Variants in PCNT observed in about 807,000 individuals in gnomAD.
PCNT encodes the protein kendrin.
Under a neutral mutation model 380.4 loss-of-function variants are expected in PCNT, and 319 were observed. The ratio of observed to expected loss-of-function variants is 0.84; its 90% CI spans 0.77 to 0.92. The LOEUF (loss-of-function observed/expected upper bound fraction) is 0.92, where lower values mean the gene tolerates loss of function less well. PCNT is among the 40% of genes least tolerant of loss of function. The probability of loss-of-function intolerance (pLI) is 0.00; values close to 1 mark genes in which losing one functional copy is unlikely to be tolerated. For missense variants in PCNT, 4,400 were observed against 4,255.3 expected (o/e 1.03, Z -0.95); for synonymous variants, 1,845 against 1,735.2 (o/e 1.06, Z -1.57).
At chr21:46,437,533 C>T (rs972698598) in intron 40 of PCNT, among the ~76,000 whole-genome samples, 11 of 152,226 alleles carry the variant, frequency 7.2e-5, no homozygotes, top group South Asian at 2.1e-4. Flanking sequence ...TTTGCGTTGA[C>T]GGCCTTTGCT....
Position 46,389,390 on chromosome 21 carries a change from G to A in PCNT, c.3799G>A (p.Val1267Met), listed in dbSNP as rs375323485. 4.3e-6 allele frequency: 7 copies of A among 1,614,064 alleles called. No individual in the cohort carries two copies. The highest frequency in any genetic ancestry group is 1.7e-5 in the Admixed American group (1 of 60,008). Residue 1267 changes from valine to methionine, a missense_variant, in exon 19 of 47, where the codon GTG becomes ATG. Coordinates refer to ENST00000359568, the MANE Select transcript of PCNT (RefSeq NM_006031.6). ...RRVFQSLSLA[V>M]DGLMEMALDS... is the part of the protein sequence containing the mutation. ...GGTCTTCCAGAGCCTCAGCCTGGCC[G>A]TGGACGGCCTCATGGAGATGGCCCT...
At chr21:46,427,874 T>C (rs1414298832) in intron 34 of PCNT, 79 bp downstream of exon 34, 3 of 1,496,654 alleles carry the variant, frequency 2.0e-6, no homozygotes, top group Non-Finnish European at 2.8e-6. Context: ...CAGACTGTTT[T>C]GTGTGTGAAT....
chr21:46,357,269 G>A (rs2084513347), intron 13 of PCNT, 78 bp downstream of exon 13: 3 of 998,210 alleles, frequency 3.0e-6, no homozygotes, highest in East Asian at 2.4e-5. Context: ...GTGTCCTTGT[G>A]TATGGAGGGG....
At chr21:46,372,736 C>T (rs1387059729) in intron 15 of PCNT, among the ~76,000 whole-genome samples, 1 of 152,170 alleles carries the variant, frequency 6.6e-6, no homozygotes, top group African/African-American at 2.4e-5. Flanking sequence ...GCGCCGGATT[C>T]TGAGGTTAGA....
chr21:46,410,222 C>T (rs558172642), intron 27 of PCNT, among the ~76,000 whole-genome samples: 12 of 150,938 alleles, frequency 8.0e-5, no homozygotes, highest in African/African-American at 1.5e-4. Context: ...TGTTGTTCAT[C>T]GGTGGTAAAT....
chr21:46,344,822 A>T (rs1005205147), intron 3 of PCNT, among the ~76,000 whole-genome samples: 7 of 152,168 alleles, frequency 4.6e-5, no homozygotes, highest in African/African-American at 1.7e-4. Flanking sequence ...TGCTGCTGAA[A>T]AGGTTTCCAG....
intron 3 of PCNT, among the ~76,000 whole-genome samples, chr21:46,344,628 C>T (rs1353815151): frequency 6.6e-6 from 1 of 152,228 alleles, no homozygotes; most frequent in Non-Finnish European, 1.5e-5. Context: ...AAGTGGGTCA[C>T]CTGGAGCCCA....
chr21:46,326,377 C>T lies in PCNT; in HGVS notation c.55C>T (p.Leu19Phe), dbSNP rs1463017129. 6.2e-7 allele frequency: 1 copy of T among 1,614,126 alleles called. No individual in the cohort carries two copies. The highest frequency in any genetic ancestry group is 8.5e-7 in the Non-Finnish European group (1 of 1,179,978). Residue 19 changes from leucine (L) to phenylalanine (F), a missense_variant and splice_region_variant, in exon 2 of 47, where the codon CTT (leucine) becomes TTT (phenylalanine). Transcript: ENST00000359568. The part of the protein sequence containing the change: ...RRKVEAGRTK[L>F]AHFRQRKTKG... ...ACTACTTATCTACATTTTTGCGCAG[C>T]TTGCTCACTTCCGACAGAGAAAAAC...
At chr21:46,334,312 C>T in intron 2 of PCNT, 85 bp from the exon 3 acceptor site, 2 of 1,595,038 alleles carry the variant, frequency 1.3e-6, no homozygotes, top group Non-Finnish European at 8.6e-7. Flanking sequence ...CAGCACAGGC[C>T]TGCAGATAGA....
chr21:46,423,549 A>G (rs774601310), intron 32 of PCNT, among the ~76,000 whole-genome samples: 1 of 151,434 alleles, frequency 6.6e-6, no homozygotes, highest in Non-Finnish European at 1.5e-5. Context: ...TTCCTATGGA[A>G]AACAACCTAA....
chr21:46,327,003 A>ACT lies in PCNT; in HGVS notation c.267+422_267+423dup, dbSNP rs1029342352. On this transcript the variant is annotated intron_variant, in intron 2 of 46. Transcript: ENST00000359568. ...ACTCCAGACTGGGTGACAGAGCGAGACTCTCTCTCAAAAAAAAAAAAACAG... is the reference window on the plus strand; with the variant it reads ...ACTCCAGACTGGGTGACAGAGCGAGACTCTCTCTCTCAAAAAAAAAAAAACAG... Among the ~76,000 whole-genome samples the ACT allele has an allele frequency of 2.1e-3, 309 of 147,152 alleles. 3 individuals carry two copies. The Middle Eastern group carries it at 0.022, about 10-fold the overall frequency.
chr21:46,384,403 C>T (rs1404309926), intron 16 of PCNT, among the ~76,000 whole-genome samples: 1 of 144,592 alleles, frequency 6.9e-6, no homozygotes, highest in Non-Finnish European at 1.5e-5. Flanking sequence ...GTTGTGCATT[C>T]AGCAGCGGAA....
In PCNT at chr21:46,334,506, C is replaced by G. The variant is rs1367995598; in HGVS notation, c.377C>G (p.Pro126Arg). Residue 126 changes from proline to arginine, a missense_variant, in exon 3 of 47, where the codon CCA (proline) becomes CGA (arginine). Physicochemically the swap from Pro to Arg is moderately radical, Grantham distance 103. Coordinates refer to ENST00000359568, the MANE Select transcript of PCNT (RefSeq NM_006031.6). ...GGGATGTTCACAGTCAGTGACCACC[C>G]ACCAGAACAGCATGGGATGTTCACA... The part of the protein sequence containing the change: ...QCGMFTVSDH[P>R]PEQHGMFTVG... 1.2e-6 allele frequency: 2 copies of G among 1,610,028 alleles called. No homozygotes were observed. The highest frequency in any genetic ancestry group is 1.7e-6 in the Non-Finnish European group (2 of 1,177,344).
intron 3 of PCNT, among the ~76,000 whole-genome samples, chr21:46,335,000 C>A (rs1387647846): frequency 6.6e-6 from 1 of 152,190 alleles, no homozygotes; most frequent in Non-Finnish European, 1.5e-5. Context: ...TACCCTTCTC[C>A]CTGAGCTCAA....
At position 46,384,230 on chromosome 21, in the gene PCNT, G is replaced by A. The variant is rs1433814968; in HGVS notation, c.3313-1602G>A. ...CAGAAGCGCATTCACGGTGTTGTGC[G>A]TTCAGTGGCGGAAGCGCATTCACAG... On this transcript the variant is annotated intron_variant, in intron 16 of 46. Coordinates refer to ENST00000359568, the MANE Select transcript of PCNT (RefSeq NM_006031.6). Among the ~76,000 whole-genome samples, 343 of 42,934 alleles carry A rather than the reference G, an allele frequency of 8.0e-3. 3 individuals are homozygous for A. The highest frequency in any genetic ancestry group is 0.02 in the Middle Eastern group (1 of 50). The allele number at this position is 42,934 out of a possible 152,430, so 28.2% of individuals were successfully genotyped here.
chr21:46,349,844 A>C lies in PCNT; in HGVS notation c.1344+24A>C, dbSNP rs1384402629. 2.5e-6 allele frequency: 4 copies of C among 1,610,336 alleles called. No individual in the cohort carries two copies. In the South Asian group the frequency reaches 4.4e-5, roughly 18 times the overall value. ...AGGTGGGCAGCAGCTTCGTTATTTA[A>C]TTACTTGGTATATTAGGGAAGTTTT... On this transcript the variant is annotated intron_variant, in intron 8 of 46. Transcript: ENST00000359568.
At chr21:46,442,894 G>A (rs533465118) in intron 44 of PCNT, 6 of 392,522 alleles carry the variant, frequency 1.5e-5, no homozygotes, top group African/African-American at 4.1e-5. Flanking sequence ...CTCACTTCAC[G>A]TCTCTTTCCT....
chr21:46,391,076 G>A lies in PCNT; in HGVS notation c.4004-88G>A, dbSNP rs1363554949. On this transcript the variant is annotated intron_variant, in intron 20 of 46. Coordinates refer to ENST00000359568, the MANE Select transcript of PCNT (RefSeq NM_006031.6). Reference sequence around the variant, plus strand: ...GGCTCTTAGCTCTGCTGCTCTCAGGGGCAGTGGCCCCGTCCCTTCCTCCAA... The same window carrying A: ...GGCTCTTAGCTCTGCTGCTCTCAGGAGCAGTGGCCCCGTCCCTTCCTCCAA... The A allele has an allele frequency of 4.6e-6, 6 of 1,314,956 alleles. No homozygotes were observed. In the East Asian group the frequency reaches 1.0e-4, roughly 22 times the overall value. The allele number at this position is 1,314,956 out of a possible 1,614,324, so 81.5% of individuals were successfully genotyped here.
intron 15 of PCNT, among the ~76,000 whole-genome samples, chr21:46,377,830 G>A (rs1320967312): frequency 1.3e-5 from 2 of 152,060 alleles, no homozygotes; most frequent in Admixed American, 1.3e-4. Context: ...CTGCATGACA[G>A]CAAAACGTTG....
Sources: allele counts gnomAD v4.1 joint callset (sites outside exome capture counted in the v4.1 genomes callset), GRCh38; gene constraint gnomAD v4.1.1; transcripts MANE v1.5; gene names NCBI Gene and HGNC (gene_info 2026-07-23, HGNC 2026-07-21).